DAO: variants seen among roughly 807,000 people sequenced by gnomAD.
DAO encodes D-amino-acid oxidase.
In DAO, 51 loss-of-function variants were observed where a neutral mutation model predicts 50.1. The observed-to-expected ratio is 1.02, with a 90% CI of 0.81 to 1.29. The LOEUF (loss-of-function observed/expected upper bound fraction) is 1.29, where lower values mean the gene tolerates loss of function less well. DAO is among the 50% of genes most tolerant of loss of function. DAO has a pLI of 0.00. For synonymous variants in DAO, 160 were observed against 166.2 expected (o/e 0.96, Z 0.29); for missense variants, 436 against 439.4 (o/e 0.99, Z 0.07).
intron 7 of DAO, among the ~76,000 whole-genome samples, chr12:108,895,758 GGTGT>G (rs200816865): frequency 0.013 from 1,874 of 148,962 alleles, 38 homozygotes; most frequent in African/African-American, 0.043. Context: ...TGTGTGTGAG[GGTGT>G]GTGTCTGAGG....
In DAO at chr12:108,900,901, A is replaced by C; in HGVS notation, c.*366A>C. 1 of 287,470 alleles carries C rather than the reference A, an allele frequency of 3.5e-6. No homozygotes were observed. The highest frequency in any genetic ancestry group is 6.7e-6 in the Non-Finnish European group (1 of 148,216). The allele number at this position is 287,470 out of a possible 1,614,324, so 17.8% of individuals were successfully genotyped here. A position where few individuals can be genotyped will look rare whatever the true frequency, so the allele number is the denominator to read the frequency against. On this transcript the variant is annotated 3_prime_UTR_variant, in exon 11 of 11. Transcript: ENST00000228476. ...GATTACAAGTTGTACTAACATATTAAAGGTTCTGAAAAGTCCTGCAGCAAA... is the reference window on the plus strand; with the variant it reads ...GATTACAAGTTGTACTAACATATTACAGGTTCTGAAAAGTCCTGCAGCAAA...
intron 7 of DAO, 112 bp downstream of exon 7, chr12:108,894,479 C>G: frequency 1.1e-6 from 1 of 907,282 alleles, no homozygotes; most frequent in Non-Finnish European, 1.8e-6. Context: ...GAGGAACCCC[C>G]CGGACTGCAG....
chr12:108,880,608 C>T (rs2039366709), intron 1 of DAO, among the ~76,000 whole-genome samples: 1 of 142,350 alleles, frequency 7.0e-6, no homozygotes, highest in South Asian at 2.2e-4. Context: ...AGCTTCTGTT[C>T]CATTTCAAGG....
chr12:108,893,792 G>T (rs2039517046), intron 6 of DAO, among the ~76,000 whole-genome samples: 1 of 152,174 alleles, frequency 6.6e-6, no homozygotes, highest in Non-Finnish European at 1.5e-5. Flanking sequence ...CTCATCTGTA[G>T]ACAGAGCTGG....
chr12:108,881,170 AC>A (rs2039373585), intron 1 of DAO, among the ~76,000 whole-genome samples: 2 of 150,902 alleles, frequency 1.3e-5, no homozygotes, highest in Admixed American at 6.6e-5. Flanking sequence ...AATCACACAC[AC>A]ACACACACAC....
chr12:108,896,291 C>T (rs1187542785), intron 7 of DAO, among the ~76,000 whole-genome samples: 2 of 151,250 alleles, frequency 1.3e-5, no homozygotes, highest in African/African-American at 4.9e-5. Flanking sequence ...GGTGTGGTGG[C>T]AGGTGCCTGT....
intron 5 of DAO, among the ~76,000 whole-genome samples, chr12:108,892,767 T>C (rs973183651): frequency 1.3e-5 from 2 of 152,194 alleles, no homozygotes; most frequent in African/African-American, 4.8e-5. Flanking sequence ...AACAAGGGGC[T>C]TGGACCATCT....
At chr12:108,889,394 G>T (rs2039465620) in intron 3 of DAO, 75 bp from the exon 4 acceptor site, 1 of 1,014,448 alleles carries the variant, frequency 9.9e-7, no homozygotes, top group Admixed American at 1.7e-5. Flanking sequence ...ACAGGTGTGA[G>T]CCACCTCGCC....
intron 3 of DAO, 91 bp from the exon 4 acceptor site, chr12:108,889,377 TG>T: frequency 1.2e-6 from 1 of 829,482 alleles, no homozygotes; most frequent in Non-Finnish European, 2.0e-6. Context: ...CCCAAAGTGC[TG>T]GGATTACAGG....
chr12:108,900,282 T>G (rs2039607504), intron 10 of DAO, 122 bp from the exon 11 acceptor site: 5 of 1,262,558 alleles, frequency 4.0e-6, no homozygotes, highest in African/African-American at 1.5e-5. Flanking sequence ...GAAGCTCAGG[T>G]GGCATCTGGC....
chr12:108,891,595 C>A (rs2039492731), intron 5 of DAO, among the ~76,000 whole-genome samples: 1 of 151,806 alleles, frequency 6.6e-6, no homozygotes, highest in African/African-American at 2.4e-5. Flanking sequence ...CATAAATTTG[C>A]TTTTTTTCAT....
At chr12:108,895,074 G>A (rs1443933890) in intron 7 of DAO, among the ~76,000 whole-genome samples, 2 of 152,156 alleles carry the variant, frequency 1.3e-5, no homozygotes, top group East Asian at 3.9e-4. Flanking sequence ...CTACCATATC[G>A]TTATTGTCAT....
chr12:108,892,881 G>A (rs1182280198), intron 5 of DAO, 101 bp from the exon 6 acceptor site: 25 of 1,009,634 alleles, frequency 2.5e-5, no homozygotes, highest in South Asian at 5.1e-5. Flanking sequence ...TGCAACTAAC[G>A]TCCGCAGAAG....
At chr12:108,892,365 A>G (rs902447946) in intron 5 of DAO, among the ~76,000 whole-genome samples, 8 of 150,960 alleles carry the variant, frequency 5.3e-5, no homozygotes, top group African/African-American at 1.9e-4. Context: ...ACGGGGTTTC[A>G]CCGTCTTAGC....
intron 7 of DAO, among the ~76,000 whole-genome samples, chr12:108,894,827 C>G (rs1195199547): frequency 1.3e-5 from 2 of 152,148 alleles, no homozygotes; most frequent in Non-Finnish European, 2.9e-5. Context: ...AGGCTCCCAC[C>G]TTAGCCTACT....
At position 108,887,489 on chromosome 12, in the gene DAO, T is replaced by C. The variant is rs750489616; in HGVS notation, c.234T>C (p.His78=). 1.5e-5 allele frequency: 25 copies of C among 1,614,012 alleles called. No individual in the cohort carries two copies. Among genetic ancestry groups the C allele is most frequent in the Non-Finnish European group, 1.6e-5 (19 of 1,180,010 alleles). ...AGACCTTTGACTATCTCCTGAGCCA[T>C]GTCCATTCTCCCAACGCTGAAAACC... The part of the protein sequence containing the change: ...SQQTFDYLLS[H]VHSPNAENLG... The change falls in exon 3 of 11, where the codon CAT becomes CAC. Residue 78 remains histidine, a synonymous_variant. Transcript: ENST00000228476.
chr12:108,893,450 G>A (rs756134266), intron 6 of DAO, among the ~76,000 whole-genome samples: 7 of 152,078 alleles, frequency 4.6e-5, no homozygotes, highest in Non-Finnish European at 8.8e-5. Context: ...AATAATGACA[G>A]GAAAAGCCAC....
At chr12:108,893,238 G>T (rs2039511394) in intron 6 of DAO, among the ~76,000 whole-genome samples, 1 of 152,150 alleles carries the variant, frequency 6.6e-6, no homozygotes, top group Admixed American at 6.6e-5. Context: ...GGAACACTGG[G>T]ATCATGGTGG....
chr12:108,899,355 T>TCACTC lies in DAO; in HGVS notation c.814-22_814-21insCACTC. On this transcript the variant is annotated intron_variant, in intron 9 of 10. Transcript: ENST00000228476. The stretch of plus-strand genomic sequence containing the variant: ...CAGGAAAAAAAAATCCAGAAATGAG[T>TCACTC]GATCAGCACTTTTCTTTCCAGAATG... The TCACTC allele has an allele frequency of 3.8e-6, 6 of 1,596,614 alleles. No homozygotes were observed. In the Middle Eastern group the frequency reaches 8.3e-4, roughly 221 times the overall value.
Sources: gnomAD v4.1 joint callset for allele counts (sites outside exome capture counted in the v4.1 genomes callset) on GRCh38, gnomAD v4.1.1 for gene constraint, MANE v1.5 for transcripts, NCBI Gene and HGNC (gene_info 2026-07-23, HGNC 2026-07-21) for gene names.